Variants in PKNOX2 observed in about 807,000 individuals in gnomAD.
PKNOX2 encodes the protein homeobox protein PKNOX2.
PKNOX2 carries 14 observed loss-of-function variants against 53.1 expected under a neutral mutation model. The observed-to-expected ratio is 0.26, with a 90% CI of 0.17 to 0.41. The LOEUF is 0.41. PKNOX2 is among the 10% of genes least tolerant of loss of function. PKNOX2 has a pLI of 1.00. For synonymous variants in PKNOX2, 257 were observed against 242.8 expected (o/e 1.06, Z -0.54); for missense variants, 496 against 602.8 (o/e 0.82, Z 1.85).
intron 11 of PKNOX2, 22 bp downstream of exon 11, chr11:125,429,110 G>T (rs1303435412): frequency 1.3e-6 from 2 of 1,590,602 alleles, no homozygotes; most frequent in South Asian, 1.1e-5. Flanking sequence ...TCACCTGCAT[G>T]CAGGCTCCCA....
At chr11:125,181,606 G>A (rs755624544) in intron 1 of PKNOX2, among the ~76,000 whole-genome samples, 8 of 152,248 alleles carry the variant, frequency 5.3e-5, no homozygotes, top group Non-Finnish European at 1.2e-4. Flanking sequence ...GGGCTGGGAG[G>A]AGGACTTGGC....
intron 4 of PKNOX2, among the ~76,000 whole-genome samples, chr11:125,353,019 T>G (rs890421547): frequency 6.6e-6 from 1 of 152,166 alleles, no homozygotes; most frequent in African/African-American, 2.4e-5. Context: ...GGGGCCAGAA[T>G]AGGGGCAAGA....
intron 1 of PKNOX2, among the ~76,000 whole-genome samples, chr11:125,178,469 C>A (rs1955854444): frequency 6.7e-6 from 1 of 148,354 alleles, no homozygotes; most frequent in Non-Finnish European, 1.5e-5. Context: ...CGAGATTGTG[C>A]CATTACACTC....
At chr11:125,245,404 G>A (rs1483822777) in intron 2 of PKNOX2, among the ~76,000 whole-genome samples, 1 of 152,260 alleles carries the variant, frequency 6.6e-6, no homozygotes, top group East Asian at 1.9e-4. Flanking sequence ...ACACATTCAT[G>A]TTTCCACTGC....
chr11:125,355,582 A>G (rs1203976267), intron 4 of PKNOX2, among the ~76,000 whole-genome samples: 1 of 152,204 alleles, frequency 6.6e-6, no homozygotes, highest in East Asian at 1.9e-4. Flanking sequence ...TGTGAGCCTC[A>G]GTTCAGTGCG....
chr11:125,407,404 C>T (rs1343233702), intron 7 of PKNOX2, among the ~76,000 whole-genome samples: 1 of 152,246 alleles, frequency 6.6e-6, no homozygotes, highest in African/African-American at 2.4e-5. Flanking sequence ...ATTTATTTTA[C>T]TGACTTTGCT....
chr11:125,411,955 AC>A, intron 10 of PKNOX2, 90 bp downstream of exon 10: 1 of 1,577,294 alleles, frequency 6.3e-7, no homozygotes, highest in African/African-American at 1.3e-5. Context: ...TCGGCTCCAA[AC>A]CCACAGACAG....
At chr11:125,318,875 G>T (rs529015858) in intron 2 of PKNOX2, among the ~76,000 whole-genome samples, 1 of 152,054 alleles carries the variant, frequency 6.6e-6, no homozygotes. Context: ...AGTGTCTGGC[G>T]GTTCCTCTCA....
At chr11:125,208,079 G>A (rs1565469531) in intron 1 of PKNOX2, among the ~76,000 whole-genome samples, 3 of 152,128 alleles carry the variant, frequency 2.0e-5, no homozygotes, top group Admixed American at 6.5e-5. Flanking sequence ...GAGTTTGGAT[G>A]AGGAAACATT....
intron 3 of PKNOX2, among the ~76,000 whole-genome samples, chr11:125,342,540 C>T (rs111481338): frequency 0.017 from 2,636 of 152,302 alleles, 36 homozygotes; most frequent in Non-Finnish European, 0.028. Context: ...GCTTTTCCAC[C>T]TGGGATCCCA....
intron 1 of PKNOX2, among the ~76,000 whole-genome samples, chr11:125,179,146 A>G (rs1336435487): frequency 6.6e-6 from 1 of 152,040 alleles, no homozygotes; most frequent in Non-Finnish European, 1.5e-5. Context: ...TCTTTCATTC[A>G]CTTATTCCTC....
chr11:125,170,193 C>T (rs552766291), intron 1 of PKNOX2, among the ~76,000 whole-genome samples: 11 of 152,246 alleles, frequency 7.2e-5, no homozygotes, highest in East Asian at 3.9e-4. Flanking sequence ...AAGTTACACC[C>T]GGCACTTACA....
intron 7 of PKNOX2, among the ~76,000 whole-genome samples, chr11:125,406,821 T>C (rs1270032911): frequency 6.7e-6 from 1 of 150,204 alleles, no homozygotes; most frequent in Non-Finnish European, 1.5e-5. Context: ...ACTCAGCGTG[T>C]ACGATCTTTG....
At chr11:125,293,552 C>T (rs939438335) in intron 2 of PKNOX2, among the ~76,000 whole-genome samples, 2 of 152,206 alleles carry the variant, frequency 1.3e-5, no homozygotes, top group Non-Finnish European at 2.9e-5. Flanking sequence ...CCAGGTCTTG[C>T]ATCTGGCAGC....
intron 2 of PKNOX2, among the ~76,000 whole-genome samples, chr11:125,236,085 A>C (rs1942658580): frequency 6.6e-6 from 1 of 152,244 alleles, no homozygotes; most frequent in Non-Finnish European, 1.5e-5. Flanking sequence ...ATCAGCGCAC[A>C]TCTTCACCTC....
chr11:125,181,402 G>A (rs1956150688), intron 1 of PKNOX2, among the ~76,000 whole-genome samples: 1 of 152,246 alleles, frequency 6.6e-6, no homozygotes, highest in African/African-American at 2.4e-5. Flanking sequence ...TGGAGGAAGT[G>A]CTGCCTGAAG....
chr11:125,283,963 A>G (rs993552387), intron 2 of PKNOX2, among the ~76,000 whole-genome samples: 1 of 152,214 alleles, frequency 6.6e-6, no homozygotes, highest in African/African-American at 2.4e-5. Context: ...TAACATGGCA[A>G]TTAAGATCAT....
At chr11:125,270,224 C>A (rs1258363775) in intron 2 of PKNOX2, among the ~76,000 whole-genome samples, 3 of 152,248 alleles carry the variant, frequency 2.0e-5, no homozygotes, top group Non-Finnish European at 2.9e-5. Flanking sequence ...CAACTACCAG[C>A]AGCCCTCTCT....
intron 2 of PKNOX2, among the ~76,000 whole-genome samples, chr11:125,267,627 C>T (rs1945459760): frequency 6.6e-6 from 1 of 152,218 alleles, no homozygotes; most frequent in Non-Finnish European, 1.5e-5. Context: ...AAACATCTCC[C>T]AGCGCCAGAC....
Sources: allele counts gnomAD v4.1 joint callset (sites outside exome capture counted in the v4.1 genomes callset), GRCh38; gene constraint gnomAD v4.1.1; transcripts MANE v1.5; gene names NCBI Gene and HGNC (gene_info 2026-07-23, HGNC 2026-07-21).